Variants in GRM5 observed in about 807,000 individuals in gnomAD.
GRM5 encodes the protein glutamate metabotropic receptor 5.
GRM5 carries 19 observed loss-of-function variants against 83.1 expected under a neutral mutation model. The observed-to-expected ratio is 0.23, with a 90% CI of 0.16 to 0.34. GRM5 has a LOEUF of 0.34. GRM5 is among the 10% of genes least tolerant of loss of function. The pLI, the probability that GRM5 is intolerant of heterozygous loss-of-function variation, is 1.00. For missense variants in GRM5, 1,160 were observed against 1,588.3 expected (o/e 0.73, Z 4.58); for synonymous variants, 675 against 633.6 (o/e 1.07, Z -0.98).
intron 2 of GRM5, among the ~76,000 whole-genome samples, chr11:88,981,749 T>C (rs1322850532): frequency 6.6e-6 from 1 of 152,236 alleles, no homozygotes; most frequent in Non-Finnish European, 1.5e-5. Flanking sequence ...GTATCTCAGC[T>C]CTGCCCTCAA....
At chr11:88,783,888 G>T (rs950067846) in intron 3 of GRM5, among the ~76,000 whole-genome samples, 1 of 151,986 alleles carries the variant, frequency 6.6e-6, no homozygotes, top group Non-Finnish European at 1.5e-5. Flanking sequence ...TGGCACATAG[G>T]AAACATTCCA....
intron 3 of GRM5, among the ~76,000 whole-genome samples, chr11:88,751,581 G>A (rs1942275204): frequency 6.6e-6 from 1 of 152,290 alleles, no homozygotes; most frequent in Admixed American, 6.5e-5. Flanking sequence ...TTGAAAGGGA[G>A]TGACTCCCCG....
At chr11:88,793,823 T>A (rs759511935) in intron 3 of GRM5, among the ~76,000 whole-genome samples, 1 of 152,038 alleles carries the variant, frequency 6.6e-6, no homozygotes, top group Admixed American at 6.6e-5. Flanking sequence ...TTTTTTTGTT[T>A]GTTCGTTTGT....
chr11:88,671,881 A>C (rs1940202603), intron 3 of GRM5, among the ~76,000 whole-genome samples: 1 of 152,196 alleles, frequency 6.6e-6, no homozygotes, highest in East Asian at 1.9e-4. Context: ...ATTTCATGCA[A>C]ATTCAATGTA....
chr11:88,622,048 T>G (rs1591388704), intron 4 of GRM5, among the ~76,000 whole-genome samples: 1 of 151,978 alleles, frequency 6.6e-6, no homozygotes, highest in Non-Finnish European at 1.5e-5. Context: ...GTACCAATGG[T>G]GCAAATTTTG....
intron 2 of GRM5, among the ~76,000 whole-genome samples, chr11:88,889,517 A>G (rs1359396022): frequency 3.9e-5 from 6 of 152,168 alleles, no homozygotes; most frequent in Non-Finnish European, 8.8e-5. Context: ...CTGTGAGGTT[A>G]CTTTTTGTAA....
At chr11:89,022,704 A>G (rs1335948676) in intron 2 of GRM5, among the ~76,000 whole-genome samples, 1 of 151,980 alleles carries the variant, frequency 6.6e-6, no homozygotes, top group Admixed American at 6.6e-5. Flanking sequence ...AGAGTATTTT[A>G]CTCTTTTTTA....
At chr11:88,686,006 G>A (rs1940612738) in intron 3 of GRM5, among the ~76,000 whole-genome samples, 1 of 152,134 alleles carries the variant, frequency 6.6e-6, no homozygotes, top group Non-Finnish European at 1.5e-5. Context: ...TGTGAGAAGA[G>A]GTCGACTGTC....
intron 3 of GRM5, among the ~76,000 whole-genome samples, chr11:88,676,751 G>A (rs960571998): frequency 6.6e-6 from 1 of 151,976 alleles, no homozygotes; most frequent in Non-Finnish European, 1.5e-5. Flanking sequence ...TACTTTTAAA[G>A]TGAAAATTAT....
chr11:88,661,813 C>G (rs1238288936), intron 3 of GRM5, among the ~76,000 whole-genome samples: 1 of 152,032 alleles, frequency 6.6e-6, no homozygotes, highest in East Asian at 1.9e-4. Flanking sequence ...GTAGCTAGGA[C>G]TACAGGCCTT....
At chr11:88,591,092 GA>G (rs1937631615) in intron 6 of GRM5, among the ~76,000 whole-genome samples, 1 of 152,112 alleles carries the variant, frequency 6.6e-6, no homozygotes, top group Non-Finnish European at 1.5e-5. Flanking sequence ...CTTAAGTTAA[GA>G]ACTTCTGCTC....
chr11:89,013,363 T>G (rs1161487547), intron 2 of GRM5, among the ~76,000 whole-genome samples: 1 of 152,214 alleles, frequency 6.6e-6, no homozygotes, highest in Non-Finnish European at 1.5e-5. Context: ...ACAAATAACT[T>G]CTTTTTCATT....
At chr11:88,978,758 T>C (rs968386819) in intron 2 of GRM5, among the ~76,000 whole-genome samples, 2 of 152,142 alleles carry the variant, frequency 1.3e-5, no homozygotes, top group Non-Finnish European at 2.9e-5. Context: ...AGAAAAAGCT[T>C]TCTGTTACGT....
At chr11:88,931,557 A>G (rs1565297831) in intron 2 of GRM5, among the ~76,000 whole-genome samples, 1 of 152,160 alleles carries the variant, frequency 6.6e-6, no homozygotes. Flanking sequence ...AACCAAAAGC[A>G]GGGCTGGAAA....
At chr11:88,613,864 C>T (rs1327631424) in intron 4 of GRM5, among the ~76,000 whole-genome samples, 5 of 152,078 alleles carry the variant, frequency 3.3e-5, no homozygotes, top group Non-Finnish European at 7.4e-5. Flanking sequence ...ACTCTATATA[C>T]CTTATTATAG....
At chr11:88,928,454 G>GTGTGTT (rs1191395994) in intron 2 of GRM5, among the ~76,000 whole-genome samples, 2 of 11,944 alleles carry the variant, frequency 1.7e-4, no homozygotes, top group African/African-American at 2.8e-4. Flanking sequence ...ATATGTGTGT[G>GTGTGTT]TGTGTGTGTG....
At chr11:88,848,998 T>C (rs1944345274) in intron 3 of GRM5, among the ~76,000 whole-genome samples, 1 of 152,188 alleles carries the variant, frequency 6.6e-6, no homozygotes, top group African/African-American at 2.4e-5. Flanking sequence ...TCATCTTGAA[T>C]TGCAAGCCTA....
Position 88,509,013 on chromosome 11 carries a change from C to A in GRM5, c.3218G>T (p.Ser1073Ile). The change falls in exon 10 of 10, where the codon AGC becomes ATC. Residue 1073 changes from serine (S) to isoleucine (I), a missense_variant. Transcript: ENST00000305447. ...GGACAGCATCATGGAGTTGAGCTCG[C>A]TGATGTTGGCCGTGAAGCGGGTGAC... Reference protein sequence around the residue: ...SVVTRFTANISELNSMMLSTA... With the variant: ...SVVTRFTANIIELNSMMLSTA... 6.4e-7 allele frequency: 1 copy of A among 1,573,430 alleles called. No homozygotes were observed. The highest frequency in any genetic ancestry group is 8.6e-7 in the Non-Finnish European group (1 of 1,158,792).
At chr11:88,605,047 G>A (rs1466527340) in intron 4 of GRM5, 83 bp from the exon 5 acceptor site, 2 of 1,129,370 alleles carry the variant, frequency 1.8e-6, no homozygotes, top group South Asian at 1.4e-5. Flanking sequence ...TGGGTTACCT[G>A]TAATTAGAGA....
Sources: allele counts gnomAD v4.1 joint callset (sites outside exome capture counted in the v4.1 genomes callset), GRCh38; gene constraint gnomAD v4.1.1; transcripts MANE v1.5; gene names NCBI Gene and HGNC (gene_info 2026-07-23, HGNC 2026-07-21).